The following CCNE2 variants were observed in gnomAD, a reference collection of about 807,000 sequenced individuals.
The protein encoded by CCNE2 is G1/S-specific cyclin-E2.
A neutral mutation model predicts 56.8 loss-of-function variants in CCNE2; 18 were observed. The observed-to-expected ratio is 0.32, with a 90% confidence interval of 0.22 to 0.47. The LOEUF is 0.47. CCNE2 is among the 20% of genes least tolerant of loss of function. The pLI, the probability that CCNE2 is intolerant of heterozygous loss-of-function variation, is 1.00. For missense variants in CCNE2, 371 were observed against 467.1 expected (o/e 0.79, Z 1.90); for synonymous variants, 139 against 149.2 (o/e 0.93, Z 0.50).
Position 94,890,565 on chromosome 8 carries a change from GAA to G in CCNE2, c.318-17_318-16del. The G allele has an allele frequency of 1.6e-6, 2 of 1,244,150 alleles. No homozygotes were observed. The highest frequency in any genetic ancestry group is 2.2e-6 in the Non-Finnish European group (2 of 911,916). The allele number at this position is 1,244,150 out of a possible 1,614,324, so 77.1% of individuals were successfully genotyped here. On this transcript the variant is annotated splice_polypyrimidine_tract_variant and intron_variant, in intron 5 of 11. Coordinates refer to ENST00000308108, the MANE Select transcript of CCNE2 (RefSeq NM_057749.3). Reference sequence around the variant, plus strand: ...AACATCCCCAGCTATGGAAAGAGAGGAAAAAAACCATATATATATATATATAT... The same window carrying G: ...AACATCCCCAGCTATGGAAAGAGAGGAAAAACCATATATATATATATATAT...
chr8:94,883,416 G>T (rs1477100082), intron 9 of CCNE2, among the ~76,000 whole-genome samples: 8 of 152,202 alleles, frequency 5.3e-5, no homozygotes, highest in African/African-American at 1.7e-4. Flanking sequence ...CCATAAATGG[G>T]TCTTAAAAGA....
intron 6 of CCNE2, among the ~76,000 whole-genome samples, chr8:94,890,197 T>A (rs1311452862): frequency 6.6e-6 from 1 of 152,180 alleles, no homozygotes; most frequent in Non-Finnish European, 1.5e-5. Context: ...TAACAGGAAT[T>A]CTGAATTGGG....
rs376008727 is a variant in CCNE2 at position 94,881,650 on chromosome 8, T to C, written c.1197A>G (p.Lys399=). The change falls in exon 12 of 12, where the codon AAA becomes AAG. Residue 399 remains lysine, a synonymous_variant. Coordinates refer to ENST00000308108, the MANE Select transcript of CCNE2 (RefSeq NM_057749.3). ...GIMTPPKSTE[K]PPGKH ...ATCTTCTTTAGTGTTTTCCTGGTGG[T>C]TTTTCAGTGCTCTTCGGTGGTGTCA... 243 of 1,612,926 alleles carry C rather than the reference T, an allele frequency of 1.5e-4. No homozygotes were observed. The highest frequency in any genetic ancestry group is 1.9e-4 in the Non-Finnish European group (221 of 1,179,720).
intron 7 of CCNE2, among the ~76,000 whole-genome samples, chr8:94,887,512 GAA>G (rs1036494819): frequency 7.1e-6 from 1 of 141,782 alleles, no homozygotes; most frequent in Non-Finnish European, 1.6e-5. Flanking sequence ...CTCGAAAAAA[GAA>G]AAAAAAAAGG....
intron 3 of CCNE2, 38 bp from the exon 4 acceptor site, chr8:94,893,982 C>G: frequency 6.2e-7 from 1 of 1,613,666 alleles, no homozygotes; most frequent in East Asian, 2.2e-5. Context: ...ACTAAAGTCC[C>G]AGCATGGAAT....
Position 94,882,149 on chromosome 8 carries a change from T to C in CCNE2, c.1084A>G (p.Asn362Asp), listed in dbSNP as rs1816843049. The change falls in exon 11 of 12, where the codon AAC becomes GAC. Residue 362 changes from asparagine to aspartate, a missense_variant. Physicochemically the swap from Asn to Asp is conservative, Grantham distance 23 (BLOSUM62 1). Coordinates refer to ENST00000308108, the MANE Select transcript of CCNE2 (RefSeq NM_057749.3). ...EDRHNIQTHT[N>D]YLAMLEEVNY... ...AAACATACCAGCATAGCCAAATAGT[T>C]TGTATGTGTCTGGATATTATGTCTG... is the stretch of plus-strand genomic sequence containing the variant. 2.5e-6 allele frequency: 4 copies of C among 1,609,630 alleles called. No homozygotes were observed. In the East Asian group the frequency reaches 8.9e-5, roughly 36 times the overall value.
chr8:94,882,611 A>T (rs1260240801), intron 10 of CCNE2, among the ~76,000 whole-genome samples, 170 bp downstream of exon 10: 2 of 152,334 alleles, frequency 1.3e-5, no homozygotes, highest in Admixed American at 1.3e-4. Flanking sequence ...CTTTTTGTTG[A>T]TACACATTCA....
chr8:94,882,840 A>C lies in CCNE2; in HGVS notation c.884T>G (p.Ile295Arg). ...AIDSLEFQYR[I>R]LTAAALCHFT... ...ATGGCACAAGGCAGCAGCAGTCAGT[A>C]TTCTGTACTGGAACTCTAATGAATC... Residue 295 changes from isoleucine to arginine, a missense_variant, in exon 10 of 12, where the codon ATA (isoleucine) becomes AGA (arginine). Coordinates refer to ENST00000308108, the MANE Select transcript of CCNE2 (RefSeq NM_057749.3). 1 of 1,614,014 alleles carries C rather than the reference A, an allele frequency of 6.2e-7. No homozygotes were observed. The highest frequency in any genetic ancestry group is 8.5e-7 in the Non-Finnish European group (1 of 1,179,934).
Position 94,881,375 on chromosome 8 carries a change from GGCTTCTAT to G in CCNE2, c.*249_*256del. On this transcript the variant is annotated 3_prime_UTR_variant, in exon 12 of 12. Transcript: ENST00000308108. ...CATTGCTATGGTATAGACTGTGGTT[GGCTTCTAT>G]CCAGTAACCTTGGGAATGAAGACAT... is the stretch of plus-strand genomic sequence containing the variant. The G allele has an allele frequency of 2.0e-6, 1 of 507,580 alleles. No individual in the cohort carries two copies. Among genetic ancestry groups the G allele is most frequent in the Non-Finnish European group, 3.5e-6 (1 of 287,744 alleles). The allele number at this position is 507,580 out of a possible 1,614,324, so 31.4% of individuals were successfully genotyped here.
rs1816807445 is a variant in CCNE2 at position 94,881,462 on chromosome 8, A to G, written c.*170T>C. On this transcript the variant is annotated 3_prime_UTR_variant, in exon 12 of 12. Coordinates refer to ENST00000308108, the MANE Select transcript of CCNE2 (RefSeq NM_057749.3). Reference sequence around the variant, plus strand: ...AACAGCTAACATAGGAAATAATTAAATGTATTCTTTAGTGCCAATTGTAAG... The same window carrying G: ...AACAGCTAACATAGGAAATAATTAAGTGTATTCTTTAGTGCCAATTGTAAG... 1 of 606,020 alleles carries G rather than the reference A, an allele frequency of 1.7e-6. No homozygotes were observed. Among genetic ancestry groups the G allele is most frequent in the Admixed American group, 3.3e-5 (1 of 30,048 alleles). The allele number at this position is 606,020 out of a possible 1,614,324, so 37.5% of individuals were successfully genotyped here. A position where few individuals can be genotyped will look rare whatever the true frequency, so the allele number is the denominator to read the frequency against.
chr8:94,885,510 C>A lies in CCNE2; in HGVS notation c.649G>T (p.Ala217Ser). ...CTTAAGATATCCTCTTCACTGCAAG[C>A]ACCATCAGTGACGTAAGCAAACTCT... The part of the protein sequence containing the change: ...LQEFAYVTDG[A>S]CSEEDILRME... The change falls in exon 8 of 12, where the codon GCT becomes TCT. Residue 217 changes from alanine (A) to serine (S), a missense_variant. Ala to Ser is a moderately conservative substitution (Grantham distance 99, BLOSUM62 1). Transcript: ENST00000308108. 4 of 1,609,524 alleles carry A rather than the reference C, an allele frequency of 2.5e-6. No homozygotes were observed. The highest frequency in any genetic ancestry group is 3.4e-6 in the Non-Finnish European group (4 of 1,176,718).
In CCNE2 at chr8:94,881,240, C is replaced by T. The variant is rs948501317; in HGVS notation, c.*392G>A. On this transcript the variant is annotated 3_prime_UTR_variant, in exon 12 of 12. Transcript: ENST00000308108. ...GAATCTAACAACTAGATTCAAAGTA[C>T]TGTATCACTTAGTATACCCTTTAAG... The T allele has an allele frequency of 1.7e-5, 6 of 356,860 alleles. No individual in the cohort carries two copies. The highest frequency in any genetic ancestry group is 2.1e-5 in the African/African-American group (1 of 48,010). The allele number at this position is 356,860 out of a possible 1,614,324, so 22.1% of individuals were successfully genotyped here.
At chr8:94,895,607 G>A (rs547691302), upstream of CCNE2, among the ~76,000 whole-genome samples, 3 of 152,328 alleles carry the variant, frequency 2.0e-5, no homozygotes, top group Middle Eastern at 3.4e-3. Flanking sequence ...GCGACCATAG[G>A]GTGGCTGGGA....
chr8:94,888,204 AAAAG>A, intron 6 of CCNE2, 131 bp from the exon 7 acceptor site: 3 of 561,140 alleles, frequency 5.3e-6, no homozygotes, highest in Non-Finnish European at 9.2e-6. Flanking sequence ...GGAAAGGAAA[AAAAG>A]AAACTAAGAT....
upstream of CCNE2, among the ~76,000 whole-genome samples, chr8:94,896,180 C>T (rs557166760): frequency 1.4e-4 from 21 of 151,850 alleles, no homozygotes; most frequent in Non-Finnish European, 2.7e-4. Flanking sequence ...TTCCTCCTCC[C>T]CCTGAGCGCG....
chr8:94,892,126 T>C (rs547021709), intron 5 of CCNE2: 37 of 587,074 alleles, frequency 6.3e-5, no homozygotes, highest in Admixed American at 4.2e-4. Flanking sequence ...CTAAAATAAA[T>C]GCAATTAAAA....
chr8:94,881,805 G>C (rs1314682949), intron 11 of CCNE2, 60 bp from the exon 12 acceptor site: 1 of 1,596,564 alleles, frequency 6.3e-7, no homozygotes, highest in South Asian at 1.1e-5. Context: ...CAGACTTCTG[G>C]GTACTTATTT....
intron 6 of CCNE2, among the ~76,000 whole-genome samples, chr8:94,890,090 G>A (rs1817174787): frequency 6.6e-6 from 1 of 152,158 alleles, no homozygotes; most frequent in African/African-American, 2.4e-5. Flanking sequence ...TCTTCACTTT[G>A]TATAGCATAA....
chr8:94,882,234 AT>A lies in CCNE2; in HGVS notation c.998del (p.Asn333MetfsTer2). On this transcript the variant is annotated frameshift_variant, in exon 11 of 12. Coordinates refer to ENST00000308108, the MANE Select transcript of CCNE2 (RefSeq NM_057749.3). LOFTEE classifies it high-confidence loss of function. ...TCACTGGACTAGTACTTTTTACTAC[AT>A]TGACAAAAGGTACCATCCAATCTAC... Reference protein sequence around the residue: ...ECVDWMVPFVNVVKSTSPVKL... With the variant: ...ECVDWMVPFVXVVKSTSPVKL... 1 of 1,612,812 alleles carries A rather than the reference AT, an allele frequency of 6.2e-7. No individual in the cohort carries two copies. The highest frequency in any genetic ancestry group is 8.5e-7 in the Non-Finnish European group (1 of 1,179,304).
Sources: allele counts gnomAD v4.1 joint callset (sites outside exome capture counted in the v4.1 genomes callset), GRCh38; gene constraint gnomAD v4.1.1; transcripts MANE v1.5; gene names NCBI Gene and HGNC (gene_info 2026-07-23, HGNC 2026-07-21).